Variants in TSHZ2 observed in about 807,000 individuals in gnomAD.
The protein encoded by TSHZ2 is teashirt homolog 2.
Under a neutral mutation model 74.4 loss-of-function variants are expected in TSHZ2, and 21 were observed. The ratio of observed to expected loss-of-function variants is 0.28; its 90% confidence interval spans 0.20 to 0.41. The LOEUF is 0.41. TSHZ2 is among the 10% of genes least tolerant of loss of function. The pLI is 1.00. For missense variants in TSHZ2, 1,244 were observed against 1,293.5 expected, an observed-to-expected ratio of 0.96 and a Z score of 0.59; for synonymous variants, 540 against 515.3, an observed-to-expected ratio of 1.05 and a Z score of -0.65.
chr20:53,263,529 C>G (rs912953763), intron 2 of TSHZ2, among the ~76,000 whole-genome samples: 6 of 149,704 alleles, frequency 4.0e-5, no homozygotes, highest in African/African-American at 1.5e-4. Flanking sequence ...TTGTGTGAGC[C>G]CCCCAGTGTT....
intron 2 of TSHZ2, among the ~76,000 whole-genome samples, chr20:53,319,365 A>G (rs926925636): frequency 1.3e-5 from 2 of 152,222 alleles, no homozygotes; most frequent in Non-Finnish European, 2.9e-5. Flanking sequence ...CTCACAAGAA[A>G]CCTTTAAGTT....
intron 2 of TSHZ2, among the ~76,000 whole-genome samples, chr20:53,448,001 C>T (rs1984622792): frequency 6.6e-6 from 1 of 151,580 alleles, no homozygotes; most frequent in Non-Finnish European, 1.5e-5. Context: ...GCAAGCTCTG[C>T]CTCCCTGGTT....
chr20:53,008,684 A>G (rs1982734175), intron 1 of TSHZ2, among the ~76,000 whole-genome samples: 1 of 152,074 alleles, frequency 6.6e-6, no homozygotes, highest in South Asian at 2.1e-4. Flanking sequence ...AGTTTGAGGA[A>G]TTTTAGAGGA....
At chr20:53,141,268 C>T (rs1419938404) in intron 1 of TSHZ2, among the ~76,000 whole-genome samples, 1 of 152,112 alleles carries the variant, frequency 6.6e-6, no homozygotes, top group African/African-American at 2.4e-5. Flanking sequence ...TTGTCTGATT[C>T]TTCATGGCCC....
At chr20:52,999,523 A>G (rs1224167919) in intron 1 of TSHZ2, among the ~76,000 whole-genome samples, 3 of 152,190 alleles carry the variant, frequency 2.0e-5, no homozygotes, top group Non-Finnish European at 2.9e-5. Flanking sequence ...TGACTGACTG[A>G]CAGATGGAAT....
intron 2 of TSHZ2, among the ~76,000 whole-genome samples, chr20:53,371,874 CAAAA>C (rs967830516): frequency 1.3e-5 from 1 of 74,418 alleles, no homozygotes. Context: ...GACTCCGTCT[CAAAA>C]AAAAAAAAAA....
At chr20:53,239,297 G>A (rs1052631037) in intron 1 of TSHZ2, among the ~76,000 whole-genome samples, 2 of 152,144 alleles carry the variant, frequency 1.3e-5, no homozygotes, top group African/African-American at 4.8e-5. Context: ...GTCCTCTCAG[G>A]AAGCTGGGAC....
At chr20:53,380,514 A>G (rs1284150467) in intron 2 of TSHZ2, among the ~76,000 whole-genome samples, 1 of 152,218 alleles carries the variant, frequency 6.6e-6, no homozygotes, top group African/African-American at 2.4e-5. Context: ...AGGATTGTGA[A>G]ACACTGTTCT....
intron 2 of TSHZ2, among the ~76,000 whole-genome samples, chr20:53,360,177 T>C (rs1248798513): frequency 6.6e-6 from 1 of 152,230 alleles, no homozygotes; most frequent in Non-Finnish European, 1.5e-5. Context: ...GGGGAAATGA[T>C]ACACTTTGTA....
At chr20:53,482,108 T>TTAAAAAA (rs1447358622) in intron 2 of TSHZ2, among the ~76,000 whole-genome samples, 2 of 74,332 alleles carry the variant, frequency 2.7e-5, no homozygotes, top group East Asian at 3.9e-4. Flanking sequence ...CTCCATCTCA[T>TTAAAAAA]AAAAAAAAAA....
chr20:53,092,040 T>C (rs1439351315), intron 1 of TSHZ2, among the ~76,000 whole-genome samples: 2 of 152,122 alleles, frequency 1.3e-5, no homozygotes, highest in Non-Finnish European at 2.9e-5. Context: ...AGCAAGGCCC[T>C]GTCTCAAAAA....
chr20:53,036,544 GAATT>G (rs1051852893), intron 1 of TSHZ2, among the ~76,000 whole-genome samples: 3 of 149,752 alleles, frequency 2.0e-5, no homozygotes, highest in African/African-American at 7.3e-5. Flanking sequence ...ATATTAGAAA[GAATT>G]AGAAATAAAA....
chr20:53,371,516 G>A (rs1170310052), intron 2 of TSHZ2, among the ~76,000 whole-genome samples: 1 of 152,202 alleles, frequency 6.6e-6, no homozygotes, highest in African/African-American at 2.4e-5. Flanking sequence ...CCACACACTG[G>A]GTGACACAGG....
chr20:53,225,625 T>C (rs547617417), intron 1 of TSHZ2, among the ~76,000 whole-genome samples: 1 of 152,358 alleles, frequency 6.6e-6, no homozygotes, highest in East Asian at 1.9e-4. Flanking sequence ...AACTCCGCTA[T>C]GGCAACTATT....
At position 53,490,662 on chromosome 20, in the gene TSHZ2, T is replaced by C. The variant is rs1249523854; in HGVS notation, c.*3527T>C. 1.3e-5 allele frequency: 2 copies of C among 152,262 alleles called. No individual in the cohort carries two copies. The highest frequency in any genetic ancestry group is 4.8e-5 in the African/African-American group (2 of 41,472). The allele number at this position is 152,262 out of a possible 1,614,324, so 9.4% of individuals were successfully genotyped here. ...CCCCAAAATGTGCCTGCTTGGTTGT[T>C]TGAATCTTGCATAATTAATGTCACA... On this transcript the variant is annotated 3_prime_UTR_variant, in exon 3 of 3. Coordinates refer to ENST00000371497, the MANE Select transcript of TSHZ2 (RefSeq NM_173485.6).
intron 1 of TSHZ2, among the ~76,000 whole-genome samples, chr20:53,217,193 C>T (rs1378564805): frequency 1.3e-5 from 2 of 152,120 alleles, no homozygotes; most frequent in African/African-American, 4.8e-5. Context: ...GGGGATAGTG[C>T]GAGAGCCGCA....
intron 1 of TSHZ2, among the ~76,000 whole-genome samples, chr20:53,033,344 T>C (rs547970661): frequency 6.6e-6 from 1 of 152,192 alleles, no homozygotes; most frequent in South Asian, 2.1e-4. Flanking sequence ...ATTTATCGAG[T>C]TTTTCCTACT....
chr20:53,026,813 ATAGTGCTG>A (rs1414396365), intron 1 of TSHZ2, among the ~76,000 whole-genome samples: 1 of 152,164 alleles, frequency 6.6e-6, no homozygotes, highest in African/African-American at 2.4e-5. Context: ...ATATTTTTAA[ATAGTGCTG>A]TAGAAGCTTA....
chr20:53,318,953 G>A (rs1257091298), intron 2 of TSHZ2, among the ~76,000 whole-genome samples: 1 of 152,206 alleles, frequency 6.6e-6, no homozygotes, highest in Admixed American at 6.5e-5. Flanking sequence ...TTACATGGCA[G>A]CAGGCAAGAG....
Sources: gnomAD v4.1 joint callset for allele counts (sites outside exome capture counted in the v4.1 genomes callset) on GRCh38, gnomAD v4.1.1 for gene constraint, MANE v1.5 for transcripts, NCBI Gene and HGNC (gene_info 2026-07-23, HGNC 2026-07-21) for gene names.